ARMC9: variants seen among roughly 807,000 people sequenced by gnomAD.
The protein encoded by ARMC9 is lisH domain-containing protein ARMC9.
In ARMC9, 94 loss-of-function variants were observed where a neutral mutation model predicts 107.0. The ratio of observed to expected loss-of-function variants is 0.88; its 90% CI spans 0.74 to 1.04. The LOEUF is 1.04. Among genes scored for constraint, ARMC9 ranks in the 50% least tolerant of loss-of-function variants. ARMC9 has a pLI of 0.00. For synonymous variants in ARMC9, 380 were observed against 396.9 expected (o/e 0.96, Z 0.51); for missense variants, 942 against 1,030.1 (o/e 0.91, Z 1.17).
In ARMC9 at chr2:231,270,969, C is replaced by A; in HGVS notation, c.1120-13C>A. 1.2e-6 allele frequency: 2 copies of A among 1,612,660 alleles called. No homozygotes were observed. On this transcript the variant is annotated splice_polypyrimidine_tract_variant and intron_variant, in intron 12 of 24. Coordinates refer to ENST00000611582, the MANE Select transcript of ARMC9 (RefSeq NM_001352754.2). The stretch of plus-strand genomic sequence containing the variant: ...TTCTTAACCTTGTTTTTCCTCTTGA[C>A]GTTTTCCCCCAGAGGAGTGTGCTTC...
chr2:231,216,825 T>A (rs1014682504), intron 5 of ARMC9, 32 bp downstream of exon 5: 1 of 1,595,676 alleles, frequency 6.3e-7, no homozygotes, highest in Admixed American at 1.8e-5. Flanking sequence ...TTGTGTCAGA[T>A]CCTGGGTGAC....
intron 9 of ARMC9, among the ~76,000 whole-genome samples, chr2:231,254,741 T>G (rs1022341738): frequency 1.3e-5 from 2 of 152,194 alleles, no homozygotes; most frequent in Non-Finnish European, 2.9e-5. Context: ...ACAAGGCTTC[T>G]GTAATTTCAT....
intron 1 of ARMC9, 21 bp from the exon 2 acceptor site, chr2:231,206,177 T>A (rs2031958476): frequency 1.4e-6 from 2 of 1,415,096 alleles, no homozygotes; most frequent in African/African-American, 1.4e-5. Flanking sequence ...AAAGCTGTTG[T>A]CTTGTATTTT....
chr2:231,229,086 T>C (rs1574681645), intron 7 of ARMC9, among the ~76,000 whole-genome samples: 1 of 152,050 alleles, frequency 6.6e-6, no homozygotes, highest in South Asian at 2.1e-4. Flanking sequence ...TTAACTGAGT[T>C]TTCTGGAAGC....
chr2:231,278,447 G>A lies in ARMC9; in HGVS notation c.1540G>A (p.Glu514Lys). The change falls in exon 16 of 25, where the codon GAA becomes AAA. Residue 514 changes from glutamate to lysine, a missense_variant. By Grantham distance (56) the Glu-to-Lys change is moderately conservative. Coordinates refer to ENST00000611582, the MANE Select transcript of ARMC9 (RefSeq NM_001352754.2). ...LKVLSDLLGH[E>K]NHEIQPYVNG... ...AGTCCTTTCGGATCTTCTTGGCCATGAAAACCATGAGGTACTCATTCAGCA... is the reference window on the plus strand; with the variant it reads ...AGTCCTTTCGGATCTTCTTGGCCATAAAAACCATGAGGTACTCATTCAGCA... 6.2e-7 allele frequency: 1 copy of A among 1,614,024 alleles called. No individual in the cohort carries two copies. The highest frequency in any genetic ancestry group is 2.2e-5 in the East Asian group (1 of 44,884).
chr2:231,351,371 C>T (rs1051420646), intron 21 of ARMC9, among the ~76,000 whole-genome samples: 2 of 152,100 alleles, frequency 1.3e-5, no homozygotes, highest in Non-Finnish European at 2.9e-5. Context: ...ACCCTGTACT[C>T]GCTCCCTCTG....
chr2:231,314,020 A>G (rs1166360558), intron 19 of ARMC9, among the ~76,000 whole-genome samples: 2 of 149,496 alleles, frequency 1.3e-5, no homozygotes, highest in African/African-American at 4.9e-5. Context: ...TTGACCTCCC[A>G]AAGTACTGGG....
At position 231,231,559 on chromosome 2, in the gene ARMC9, C is replaced by T. The variant is rs550055407; in HGVS notation, c.623-3665C>T. Among the ~76,000 whole-genome samples the T allele has an allele frequency of 5.3e-3, 802 of 150,048 alleles. 10 individuals are homozygous for T. The highest frequency in any genetic ancestry group is 0.019 in the African/African-American group (769 of 40,748). On this transcript the variant is annotated intron_variant, in intron 7 of 24. Transcript: ENST00000611582. ...CCACCATGCCCAGCTAATTTTTGTA[C>T]TTTTAGTAGAGACGGGATTTCACCA...
intron 11 of ARMC9, among the ~76,000 whole-genome samples, chr2:231,260,030 T>C (rs1171416274): frequency 1.3e-5 from 2 of 152,182 alleles, no homozygotes. Flanking sequence ...AGATTTGAAA[T>C]ATATGTTTAT....
intron 8 of ARMC9, among the ~76,000 whole-genome samples, chr2:231,236,863 G>A (rs1409324977): frequency 6.6e-6 from 1 of 152,194 alleles, no homozygotes; most frequent in Non-Finnish European, 1.5e-5. Flanking sequence ...AGGAACTCTT[G>A]AACCCGGCTG....
intron 12 of ARMC9, among the ~76,000 whole-genome samples, chr2:231,264,543 G>A (rs990254453): frequency 8.0e-5 from 12 of 150,844 alleles, no homozygotes; most frequent in East Asian, 2.0e-4. Flanking sequence ...AGTCGCCCAG[G>A]CTGGAGTGCA....
intron 6 of ARMC9, 96 bp from the exon 7 acceptor site, chr2:231,226,678 A>T (rs1011616085): frequency 2.1e-6 from 3 of 1,410,356 alleles, no homozygotes; most frequent in Non-Finnish European, 3.0e-6. Flanking sequence ...CTGTTTCATC[A>T]TGCTGAGGTG....
chr2:231,274,796 A>G (rs1368934239), intron 14 of ARMC9, among the ~76,000 whole-genome samples: 1 of 152,110 alleles, frequency 6.6e-6, no homozygotes, highest in East Asian at 1.9e-4. Flanking sequence ...TTAGTGGGGG[A>G]AGGGATAGGT....
chr2:231,359,133 T>C (rs1243562963), intron 22 of ARMC9, among the ~76,000 whole-genome samples: 1 of 145,516 alleles, frequency 6.9e-6, no homozygotes, highest in Admixed American at 6.9e-5. Flanking sequence ...TCACCCAGGC[T>C]GGAGTGCAGT....
rs1050242549 is a variant in ARMC9 at position 231,360,946 on chromosome 2, G to A, written c.2261+63G>A. The A allele has an allele frequency of 4.8e-6, 7 of 1,458,294 alleles. No individual in the cohort carries two copies. Among genetic ancestry groups the A allele is most frequent in the East Asian group, 2.5e-5 (1 of 40,414 alleles). The allele number at this position is 1,458,294 out of a possible 1,614,324, so 90.3% of individuals were successfully genotyped here. Reference sequence around the variant, plus strand: ...GGAGCTCTGGGAGTGGGCGCCCCACGCCGGATGCAGAGCACCCAGGAGACC... The same window carrying A: ...GGAGCTCTGGGAGTGGGCGCCCCACACCGGATGCAGAGCACCCAGGAGACC... On this transcript the variant is annotated intron_variant, in intron 23 of 24. Coordinates refer to ENST00000611582, the MANE Select transcript of ARMC9 (RefSeq NM_001352754.2). The surrounding 1 kb of genome is among the most constrained non-coding windows in gnomAD (Gnocchi z 4.7).
chr2:231,251,210 A>G (rs931264299), intron 9 of ARMC9, among the ~76,000 whole-genome samples: 27 of 151,904 alleles, frequency 1.8e-4, no homozygotes, highest in Admixed American at 7.9e-4. Flanking sequence ...TCTGTCACCC[A>G]GGCTGGAGTG....
chr2:231,262,747 G>A (rs936863299), intron 12 of ARMC9, among the ~76,000 whole-genome samples: 1 of 152,116 alleles, frequency 6.6e-6, no homozygotes, highest in Non-Finnish European at 1.5e-5. Flanking sequence ...TTACATCTGG[G>A]CCTGACTAAA....
rs768449628 is a variant in ARMC9 at position 231,296,230 on chromosome 2, G to T, written c.1750G>T (p.Asp584Tyr). The stretch of plus-strand genomic sequence containing the variant: ...ACCAGATGGTGTTCTTGAATCTGAT[G>T]ATGATGAAGATGAAGATGATGAAGT... ...ELPDGVLESD[D>Y]DEDEDDEEDH... is the part of the protein sequence containing the mutation. Residue 584 changes from aspartate to tyrosine, a missense_variant, in exon 19 of 25, where the codon GAT becomes TAT. Physicochemically the swap from Asp to Tyr is radical, Grantham distance 160 (BLOSUM62 -3). Transcript: ENST00000611582. 7.4e-6 allele frequency: 12 copies of T among 1,613,444 alleles called. No homozygotes were observed. The highest frequency in any genetic ancestry group is 9.3e-6 in the Non-Finnish European group (11 of 1,179,686).
At chr2:231,236,921 G>A (rs534967748) in intron 8 of ARMC9, among the ~76,000 whole-genome samples, 55 of 152,276 alleles carry the variant, frequency 3.6e-4, no homozygotes, top group Non-Finnish European at 7.1e-4. Flanking sequence ...GGGCAACAGC[G>A]TGAAACTGTG....
Sources: allele counts gnomAD v4.1 joint callset (sites outside exome capture counted in the v4.1 genomes callset), GRCh38; gene constraint gnomAD v4.1.1; non-coding constraint Gnocchi (gnomAD v3.1); transcripts MANE v1.5; gene names NCBI Gene and HGNC (gene_info 2026-07-23, HGNC 2026-07-21).